Variants in LRRC3B observed in about 807,000 individuals in gnomAD.
LRRC3B encodes the protein leucine-rich repeat-containing protein 3B.
In LRRC3B, 2 loss-of-function variants were observed where a neutral mutation model predicts 12.8. The observed-to-expected ratio is 0.16, with a 90% confidence interval of 0.06 to 0.49. The LOEUF is 0.49. Ranked by LOEUF, LRRC3B falls within the 20% of genes least tolerant of loss-of-function variation. LRRC3B has a pLI of 0.96. For missense variants in LRRC3B, 189 were observed against 319.4 expected, an observed-to-expected ratio of 0.59 and a Z score of 3.11; for synonymous variants, 132 against 122.0, an observed-to-expected ratio of 1.08 and a Z score of -0.54.
chr3:26,684,026 T>C (rs1038707515), intron 1 of LRRC3B, among the ~76,000 whole-genome samples: 1 of 152,260 alleles, frequency 6.6e-6, no homozygotes, highest in African/African-American at 2.4e-5. Context: ...TTGTCTGCTG[T>C]GGACTTGTCC....
At chr3:26,654,217 G>A (rs1409292076) in intron 1 of LRRC3B, among the ~76,000 whole-genome samples, 2 of 152,216 alleles carry the variant, frequency 1.3e-5, no homozygotes, top group Non-Finnish European at 2.9e-5. Flanking sequence ...TGCTGTTCAA[G>A]TATTTCTTGC....
At chr3:26,663,505 T>G (rs1248507167) in intron 1 of LRRC3B, among the ~76,000 whole-genome samples, 1 of 152,180 alleles carries the variant, frequency 6.6e-6, no homozygotes, top group Non-Finnish European at 1.5e-5. Context: ...AGGGCATATT[T>G]ATTAATTGTA....
At chr3:26,644,946 A>T (rs1699111385) in intron 1 of LRRC3B, among the ~76,000 whole-genome samples, 1 of 152,194 alleles carries the variant, frequency 6.6e-6, no homozygotes, top group Non-Finnish European at 1.5e-5. Context: ...ACACATATAC[A>T]TATGCATATG....
intron 1 of LRRC3B, among the ~76,000 whole-genome samples, chr3:26,669,506 G>C (rs143289439): frequency 3.6e-4 from 55 of 152,228 alleles, no homozygotes; most frequent in African/African-American, 1.3e-3. Context: ...ATAAGGAGAT[G>C]AATATTACCT....
At chr3:26,680,338 G>T (rs1172800349) in intron 1 of LRRC3B, among the ~76,000 whole-genome samples, 1 of 152,162 alleles carries the variant, frequency 6.6e-6, no homozygotes, top group Non-Finnish European at 1.5e-5. Flanking sequence ...GTTAAGTTGT[G>T]CTTTTGGAAT....
chr3:26,706,480 T>TTCAAG (rs1200461894), intron 1 of LRRC3B, among the ~76,000 whole-genome samples: 1 of 152,118 alleles, frequency 6.6e-6, no homozygotes, highest in Non-Finnish European at 1.5e-5. Context: ...AATGAAACAG[T>TTCAAG]TCAAGTCCAA....
intron 1 of LRRC3B, among the ~76,000 whole-genome samples, chr3:26,640,341 G>C (rs2125407267): frequency 6.6e-6 from 1 of 150,762 alleles, no homozygotes; most frequent in East Asian, 1.9e-4. Flanking sequence ...ATATATGAAA[G>C]CATGGCACTA....
At chr3:26,652,920 T>C (rs1699294375) in intron 1 of LRRC3B, among the ~76,000 whole-genome samples, 1 of 152,202 alleles carries the variant, frequency 6.6e-6, no homozygotes, top group African/African-American at 2.4e-5. Context: ...TACCTATTTT[T>C]ATTATGGCAT....
intron 1 of LRRC3B, among the ~76,000 whole-genome samples, chr3:26,664,780 A>T (rs1276447819): frequency 6.6e-6 from 1 of 152,112 alleles, no homozygotes; most frequent in Non-Finnish European, 1.5e-5. Flanking sequence ...CAGCTCTCGC[A>T]TCTATCAGCA....
chr3:26,641,563 C>T (rs562027188), intron 1 of LRRC3B, among the ~76,000 whole-genome samples: 274 of 152,254 alleles, frequency 1.8e-3, no homozygotes, highest in African/African-American at 6.4e-3. Flanking sequence ...AAAACCACTG[C>T]AGTTGGCTTA....
At chr3:26,654,822 A>G (rs1371453698) in intron 1 of LRRC3B, among the ~76,000 whole-genome samples, 1 of 152,210 alleles carries the variant, frequency 6.6e-6, no homozygotes, top group East Asian at 1.9e-4. Context: ...GTTAATGAAC[A>G]TAGCACCAGT....
chr3:26,698,717 A>G (rs1193570375), intron 1 of LRRC3B, among the ~76,000 whole-genome samples: 2 of 152,140 alleles, frequency 1.3e-5, no homozygotes, highest in African/African-American at 2.4e-5. Context: ...CACAATATAT[A>G]GGCAGATATA....
At chr3:26,646,683 A>C (rs1699157915) in intron 1 of LRRC3B, among the ~76,000 whole-genome samples, 1 of 151,452 alleles carries the variant, frequency 6.6e-6, no homozygotes, top group Non-Finnish European at 1.5e-5. Flanking sequence ...TGCAAAAATC[A>C]CTCAAGAGAT....
At chr3:26,666,212 C>T (rs1699594994) in intron 1 of LRRC3B, among the ~76,000 whole-genome samples, 1 of 151,186 alleles carries the variant, frequency 6.6e-6, no homozygotes, top group African/African-American at 2.4e-5. Context: ...AGAAAAAAGA[C>T]GTCAAAGAAG....
At chr3:26,703,314 C>CA (rs1378546441) in intron 1 of LRRC3B, among the ~76,000 whole-genome samples, 5 of 150,986 alleles carry the variant, frequency 3.3e-5, no homozygotes, top group Non-Finnish European at 5.9e-5. Flanking sequence ...ACTCAAACTT[C>CA]AGGTTTTGTG....
intron 1 of LRRC3B, among the ~76,000 whole-genome samples, chr3:26,635,061 A>T (rs74744678): frequency 0.029 from 4,480 of 152,298 alleles, 128 homozygotes; most frequent in East Asian, 0.13. Flanking sequence ...CACATTCATT[A>T]TGAGTTTTGG....
intron 1 of LRRC3B, among the ~76,000 whole-genome samples, chr3:26,657,428 A>G (rs1699394484): frequency 6.6e-6 from 1 of 152,230 alleles, no homozygotes; most frequent in Non-Finnish European, 1.5e-5. Flanking sequence ...AGAAGTGTCC[A>G]GTAGGCTGAC....
intron 1 of LRRC3B, among the ~76,000 whole-genome samples, chr3:26,679,422 C>T (rs1280904640): frequency 2.0e-5 from 3 of 152,214 alleles, no homozygotes; most frequent in Non-Finnish European, 4.4e-5. Context: ...GCTGCAGTCA[C>T]ACTCAACTTT....
intron 1 of LRRC3B, among the ~76,000 whole-genome samples, chr3:26,687,389 C>T (rs73059370): frequency 0.15 from 22,974 of 152,094 alleles, 2,338 homozygotes; most frequent in East Asian, 0.3. Context: ...ATTATAATTG[C>T]TCTAAATATG....
Sources: allele counts gnomAD v4.1 joint callset (sites outside exome capture counted in the v4.1 genomes callset), GRCh38; gene constraint gnomAD v4.1.1; transcripts MANE v1.5; gene names NCBI Gene and HGNC (gene_info 2026-07-23, HGNC 2026-07-21).